Variants in POLR3E observed in about 807,000 individuals in gnomAD.
POLR3E encodes DNA-directed RNA polymerase III subunit RPC5.
A neutral mutation model predicts 96.6 loss-of-function variants in POLR3E; 41 were observed. The ratio of observed to expected loss-of-function variants is 0.42; its 90% confidence interval spans 0.33 to 0.55. POLR3E has a LOEUF of 0.55. Ranked by LOEUF, POLR3E falls within the 20% of genes least tolerant of loss-of-function variation. POLR3E has a pLI of 0.06. For missense variants in POLR3E, 849 were observed against 952.1 expected, an observed-to-expected ratio of 0.89 and a Z score of 1.43; for synonymous variants, 396 against 383.6, an observed-to-expected ratio of 1.03 and a Z score of -0.38.
intron 3 of POLR3E, among the ~76,000 whole-genome samples, chr16:22,306,559 T>C (rs1432587561): frequency 6.6e-6 from 1 of 152,242 alleles, no homozygotes; most frequent in Non-Finnish European, 1.5e-5. Flanking sequence ...AGCCAATATT[T>C]GATCTTTTAC....
chr16:22,303,080 C>T, intron 2 of POLR3E, 76 bp downstream of exon 2: 1 of 1,290,400 alleles, frequency 7.7e-7, no homozygotes, highest in South Asian at 1.2e-5. Context: ...GTCCTCAGGC[C>T]AGTCTGGGAC....
At position 22,319,454 on chromosome 16, in the gene POLR3E, A is replaced by G. The variant is rs1290091980; in HGVS notation, c.986+508A>G. Among the ~76,000 whole-genome samples the G allele has an allele frequency of 2.0e-5, 3 of 150,198 alleles. No individual in the cohort carries two copies. The East Asian group carries it at 5.9e-4, about 29-fold the overall frequency. On this transcript the variant is annotated intron_variant, in intron 13 of 20. Coordinates refer to ENST00000299853, the MANE Select transcript of POLR3E (RefSeq NM_018119.4). ...CGCTCTGTCCCACAGGCTGGAGTGC[A>G]GTGGTGCGATCTCGGCTCACTGCAA...
At position 22,308,471 on chromosome 16, in the gene POLR3E, T is replaced by C. The variant is rs1351002325; in HGVS notation, c.165+246T>C. 17 of 538,272 alleles carry C rather than the reference T, an allele frequency of 3.2e-5. No homozygotes were observed. The Admixed American group carries it at 4.7e-4, about 15-fold the overall frequency. 33.3% of individuals were successfully genotyped at this position (538,272 alleles called of 1,614,324 possible). On this transcript the variant is annotated intron_variant, in intron 4 of 20. Transcript: ENST00000299853. ...CAGATGTGAGCTTAGGTTCCCAGGATAAGACGAGGGCGGGCGGGTGAACAT... is the reference window on the plus strand; with the variant it reads ...CAGATGTGAGCTTAGGTTCCCAGGACAAGACGAGGGCGGGCGGGTGAACAT...
chr16:22,308,904 G>A (rs745591573), intron 4 of POLR3E, 21 bp from the exon 5 acceptor site: 1 of 1,546,258 alleles, frequency 6.5e-7, no homozygotes, highest in Non-Finnish European at 8.9e-7. Context: ...CATAGCTGGT[G>A]GGGGTGCTTG....
intron 12 of POLR3E, among the ~76,000 whole-genome samples, chr16:22,317,665 GTTT>G (rs757872526): frequency 1.9e-4 from 27 of 140,834 alleles, no homozygotes; most frequent in Non-Finnish European, 2.6e-4. Flanking sequence ...TGTTGTTGTT[GTTT>G]TTTTTTTTAA....
intron 1 of POLR3E, among the ~76,000 whole-genome samples, chr16:22,299,348 G>C (rs913304033): frequency 1.3e-5 from 2 of 151,822 alleles, no homozygotes; most frequent in Non-Finnish European, 2.9e-5. Flanking sequence ...AAAGGAGTTT[G>C]GGTTTTATTT....
intron 9 of POLR3E, among the ~76,000 whole-genome samples, chr16:22,316,075 C>T (rs1343061550): frequency 1.3e-5 from 2 of 152,160 alleles, no homozygotes; most frequent in African/African-American, 4.8e-5. Context: ...GGGTGGGGAA[C>T]AACTCCTGAT....
At chr16:22,316,793 G>T in intron 10 of POLR3E, 107 bp downstream of exon 10, 1 of 1,045,530 alleles carries the variant, frequency 9.6e-7, no homozygotes, top group Non-Finnish European at 1.5e-6. Flanking sequence ...TAGCATGAGG[G>T]TGGAGCCCAT....
chr16:22,331,498 AGTT>A (rs1182361362), intron 19 of POLR3E: 5 of 152,378 alleles, frequency 3.3e-5, no homozygotes, highest in African/African-American at 4.8e-5. Context: ...AAATCCTGTG[AGTT>A]GTTACTTTTT....
rs1474742496 is a variant in POLR3E, at chr16:22,316,613, G to A, written c.655G>A (p.Glu219Lys). The change falls in exon 10 of 21, where the codon GAG becomes AAG. Residue 219 changes from glutamate to lysine, a missense_variant. Transcript: ENST00000299853. Reference protein sequence around the residue: ...HYYGLRDSRSEHERQYLLCPG... With the variant: ...HYYGLRDSRSKHERQYLLCPG... ...CCTCCTCCAACAGGACAGTCGCTCT[G>A]AGCATGAGCGTCAGTACCTGCTGTG... 6.2e-7 allele frequency: 1 copy of A among 1,613,860 alleles called. No individual in the cohort carries two copies. The highest frequency in any genetic ancestry group is 8.5e-7 in the Non-Finnish European group (1 of 1,179,772).
chr16:22,334,387 T>G lies in POLR3E; in HGVS notation c.*687T>G, dbSNP rs906647085. On this transcript the variant is annotated 3_prime_UTR_variant, in exon 21 of 21. Coordinates refer to ENST00000299853, the MANE Select transcript of POLR3E (RefSeq NM_018119.4). ...ATGTGTAAGTGAGGTTATCACACTT[T>G]GATGTAAAAATTTCTATTTTGTGTA... 1.3e-5 allele frequency: 2 copies of G among 152,218 alleles called. No homozygotes were observed. Among genetic ancestry groups the G allele is most frequent in the African/African-American group, 4.8e-5 (2 of 41,452 alleles). The allele number at this position is 152,218 out of a possible 1,614,324, so 9.4% of individuals were successfully genotyped here. A position where few individuals can be genotyped will look rare whatever the true frequency, so the allele number is the denominator to read the frequency against.
At position 22,334,043 on chromosome 16, in the gene POLR3E, C is replaced by G. The variant is rs2048799533; in HGVS notation, c.*343C>G. On this transcript the variant is annotated 3_prime_UTR_variant, in exon 21 of 21. Transcript: ENST00000299853. ...GATAAAAATCATGGTTTAATATTTT[C>G]TTTTGTAAACTTAATGCCAACAAGG... 4.4e-6 allele frequency: 1 copy of G among 225,724 alleles called. No individual in the cohort carries two copies. The highest frequency in any genetic ancestry group is 5.6e-5 in the Admixed American group (1 of 17,730). 14.0% of individuals were successfully genotyped at this position (225,724 alleles called of 1,614,324 possible).
intron 14 of POLR3E, among the ~76,000 whole-genome samples, chr16:22,323,850 T>C (rs947064417): frequency 6.6e-6 from 1 of 152,150 alleles, no homozygotes; most frequent in Non-Finnish European, 1.5e-5. Context: ...ATTCCCTGTG[T>C]CTCTCAGCCA....
At chr16:22,314,752 A>G (rs1479207171) in intron 8 of POLR3E, among the ~76,000 whole-genome samples, 1 of 152,172 alleles carries the variant, frequency 6.6e-6, no homozygotes, top group Non-Finnish European at 1.5e-5. Context: ...GTAGCTTATT[A>G]GGACCTTAGA....
In POLR3E at chr16:22,313,681, GGAT is replaced by G; in HGVS notation, c.427_429del (p.Asp143del). The G allele has an allele frequency of 6.2e-7, 1 of 1,613,878 alleles. No individual in the cohort carries two copies. The highest frequency in any genetic ancestry group is 8.5e-7 in the Non-Finnish European group (1 of 1,179,942). Reference sequence around the variant, plus strand: ...AGCTGCGGCCCAGCTTCTCCTACCTGGATAAGGCTGACGCCAAGCACCGGGAGA... The same window carrying G: ...AGCTGCGGCCCAGCTTCTCCTACCTGAAGGCTGACGCCAAGCACCGGGAGA... On this transcript the variant is annotated inframe_deletion, in exon 7 of 21. Transcript: ENST00000299853. The surrounding 1 kb of genome is among the most constrained non-coding windows in gnomAD (Gnocchi z 4.1).
chr16:22,325,841 C>G lies in POLR3E; in HGVS notation c.1429C>G (p.Arg477Gly), dbSNP rs775917917. The G allele has an allele frequency of 1.9e-6, 3 of 1,611,960 alleles. No individual in the cohort carries two copies. Among genetic ancestry groups the G allele is most frequent in the Non-Finnish European group, 2.5e-6 (3 of 1,179,372 alleles). Residue 477 changes from arginine (R) to glycine (G), a missense_variant, in exon 18 of 21, where the codon CGG becomes GGG. Arg to Gly is a moderately radical substitution (Grantham distance 125, BLOSUM62 -2). Coordinates refer to ENST00000299853, the MANE Select transcript of POLR3E (RefSeq NM_018119.4). Reference sequence around the variant, plus strand: ...CCAGCAGAACCACGCGTTGCTGGAGCGGGAGCTGCAGCGGCGGAAGGAGCA... The same window carrying G: ...CCAGCAGAACCACGCGTTGCTGGAGGGGGAGCTGCAGCGGCGGAAGGAGCA... ...KAQQNHALLERELQRRKEQLR... is the reference protein window; with the variant it reads ...KAQQNHALLEGELQRRKEQLR...
In POLR3E at chr16:22,299,521, C is replaced by T. The variant is rs192280478; in HGVS notation, c.-39+1984C>T. On this transcript the variant is annotated intron_variant, in intron 1 of 20. Transcript: ENST00000299853. ...CTCTGCCTTCTGGGTTCAAGTGATT[C>T]TTCTGCCTCAGCCTCCCGAGTAGCT... 8.7e-4 allele frequency among the ~76,000 whole-genome samples: 127 copies of T among 146,600 alleles called. No individual in the cohort carries two copies. In the East Asian group the frequency reaches 0.012, roughly 14 times the overall value.
At chr16:22,331,015 TTTTTTTTGA>T (rs1295226833) in intron 19 of POLR3E, among the ~76,000 whole-genome samples, 3 of 127,914 alleles carry the variant, frequency 2.3e-5, no homozygotes, top group African/African-American at 1.1e-4. Context: ...TTTTTTTTTT[TTTTTTTTGA>T]GACAGAGTCT....
In POLR3E at chr16:22,309,198, A is replaced by G. The variant is rs182355724; in HGVS notation, c.281+158A>G. On this transcript the variant is annotated intron_variant, in intron 5 of 20. Transcript: ENST00000299853. ...GCCTGTCTCAGACTCTGCCCTCCTG[A>G]ACTAGCTGGTCCCAGAGCTCCTACC... 7.5e-4 allele frequency: 492 copies of G among 652,854 alleles called. 1 individual carries two copies. The highest frequency in any genetic ancestry group is 1.9e-3 in the Admixed American group (72 of 38,494). The allele number at this position is 652,854 out of a possible 1,614,324, so 40.4% of individuals were successfully genotyped here. A position where few individuals can be genotyped will look rare whatever the true frequency, so the allele number is the denominator to read the frequency against.
Sources: gnomAD v4.1 joint callset for allele counts (sites outside exome capture counted in the v4.1 genomes callset) on GRCh38, gnomAD v4.1.1 for gene constraint, Gnocchi (gnomAD v3.1) non-coding constraint, MANE v1.5 for transcripts, NCBI Gene and HGNC (gene_info 2026-07-23, HGNC 2026-07-21) for gene names.